The following DPF3 variants were observed in gnomAD, a reference collection of about 807,000 sequenced individuals.
The protein encoded by DPF3 is zinc finger protein DPF3.
A neutral mutation model predicts 56.8 loss-of-function variants in DPF3; 18 were observed. The observed-to-expected ratio is 0.32, with a 90% CI of 0.22 to 0.47. DPF3 has a LOEUF of 0.47. Among genes scored for constraint, DPF3 ranks in the 20% least tolerant of loss-of-function variants. The probability of loss-of-function intolerance (pLI) is 1.00; values close to 1 mark genes in which losing one functional copy is unlikely to be tolerated. For missense variants in DPF3, 403 were observed against 488.8 expected (o/e 0.82, Z 1.65); for synonymous variants, 188 against 180.2 (o/e 1.04, Z -0.35).
chr14:72,709,665 G>A (rs1024539419), intron 6 of DPF3, among the ~76,000 whole-genome samples: 1 of 152,122 alleles, frequency 6.6e-6, no homozygotes, highest in African/African-American at 2.4e-5. Flanking sequence ...GGGTATGGCG[G>A]TTCTAGAGTT....
chr14:72,828,531 A>G (rs1451314613), intron 1 of DPF3, among the ~76,000 whole-genome samples: 1 of 138,576 alleles, frequency 7.2e-6, no homozygotes, highest in Non-Finnish European at 1.6e-5. Context: ...AAGTGAGACC[A>G]TGTCTTAAAA....
At chr14:72,800,351 T>C (rs1435919781) in intron 1 of DPF3, among the ~76,000 whole-genome samples, 1 of 152,126 alleles carries the variant, frequency 6.6e-6, no homozygotes, top group Non-Finnish European at 1.5e-5. Flanking sequence ...AAGTTTACCA[T>C]CCCTTATTAG....
intron 8 of DPF3, among the ~76,000 whole-genome samples, chr14:72,634,137 C>G (rs979807716): frequency 6.6e-6 from 1 of 152,146 alleles, no homozygotes; most frequent in Non-Finnish European, 1.5e-5. Flanking sequence ...CTCCTCCACA[C>G]TCAGGACATC....
chr14:72,712,656 T>C (rs1011559836), intron 6 of DPF3, among the ~76,000 whole-genome samples: 1 of 152,160 alleles, frequency 6.6e-6, no homozygotes, highest in African/African-American at 2.4e-5. Flanking sequence ...GAGGATCACT[T>C]GAAACCAGGA....
intron 2 of DPF3, among the ~76,000 whole-genome samples, chr14:72,755,930 C>T (rs1361631553): frequency 1.3e-5 from 2 of 152,072 alleles, no homozygotes; most frequent in African/African-American, 2.4e-5. Context: ...AGAGCAGGGC[C>T]CCATGAGACT....
At chr14:72,660,334 A>C (rs1886171313) in intron 8 of DPF3, among the ~76,000 whole-genome samples, 1 of 152,204 alleles carries the variant, frequency 6.6e-6, no homozygotes, top group South Asian at 2.1e-4. Context: ...CGTGATATTC[A>C]GTCTAAAGAA....
intron 8 of DPF3, chr14:72,661,915 A>G: frequency 2.1e-6 from 2 of 956,434 alleles, no homozygotes; most frequent in Non-Finnish European, 2.4e-6. Flanking sequence ...GTTCGAATCT[A>G]TTGAACTTGA....
At chr14:72,694,243 C>T (rs1296161060) in intron 6 of DPF3, among the ~76,000 whole-genome samples, 1 of 152,236 alleles carries the variant, frequency 6.6e-6, no homozygotes, top group Non-Finnish European at 1.5e-5. Context: ...CCTCGAGAGT[C>T]TTCCCAGTGA....
At chr14:72,751,303 T>G (rs1890563505) in intron 3 of DPF3, among the ~76,000 whole-genome samples, 1 of 152,272 alleles carries the variant, frequency 6.6e-6, no homozygotes, top group African/African-American at 2.4e-5. Flanking sequence ...AAGGCTTTTT[T>G]GGTACTTATG....
At chr14:72,853,563 C>T (rs1377636362) in intron 1 of DPF3, among the ~76,000 whole-genome samples, 1 of 150,240 alleles carries the variant, frequency 6.7e-6, no homozygotes, top group Admixed American at 6.7e-5. Flanking sequence ...CAACCTCTGC[C>T]TCCCAGATTC....
rs535243493 is a variant in DPF3, at chr14:72,673,452, A to G, written c.871+788T>C. 6.7e-4 allele frequency among the ~76,000 whole-genome samples: 102 copies of G among 152,218 alleles called. 2 individuals are homozygous for G. Among genetic ancestry groups the G allele is most frequent in the Non-Finnish European group, 5.3e-4 (36 of 68,036 alleles). On this transcript the variant is annotated intron_variant, in intron 8 of 10. Coordinates refer to ENST00000556509, the MANE Select transcript of DPF3 (RefSeq NM_001280542.3). ...AGTGCTGACATAATACAATATGAAA[A>G]ATAGGTAGTACCAACCAACCATGGC...
chr14:72,658,563 A>G (rs948601590), intron 8 of DPF3, among the ~76,000 whole-genome samples: 18 of 152,228 alleles, frequency 1.2e-4, no homozygotes, highest in Non-Finnish European at 1.5e-5. Flanking sequence ...AACTCTACCC[A>G]GAGTTCTAAA....
chr14:72,638,753 A>G (rs1381069408), intron 8 of DPF3, among the ~76,000 whole-genome samples: 1 of 152,174 alleles, frequency 6.6e-6, no homozygotes, highest in Non-Finnish European at 1.5e-5. Context: ...CTGGGAAGCA[A>G]TCATAGAAGT....
At chr14:72,674,395 T>A in intron 7 of DPF3, 27 bp from the exon 8 acceptor site, 3 of 1,606,780 alleles carry the variant, frequency 1.9e-6, no homozygotes, top group Non-Finnish European at 2.6e-6. Flanking sequence ...AACATTCCAA[T>A]TTCAGGCTTA....
chr14:72,755,985 T>C (rs890969678), intron 2 of DPF3, among the ~76,000 whole-genome samples: 1 of 152,082 alleles, frequency 6.6e-6, no homozygotes, highest in Non-Finnish European at 1.5e-5. Context: ...TCAAAGCATG[T>C]GTGTGTGTGC....
chr14:72,697,842 G>A (rs1377849519), intron 6 of DPF3, among the ~76,000 whole-genome samples: 1 of 152,114 alleles, frequency 6.6e-6, no homozygotes, highest in Non-Finnish European at 1.5e-5. Flanking sequence ...AAGCAAGGAG[G>A]AACCCAGAAA....
At chr14:72,870,678 T>G (rs1212138888) in intron 1 of DPF3, among the ~76,000 whole-genome samples, 1 of 152,238 alleles carries the variant, frequency 6.6e-6, no homozygotes, top group African/African-American at 2.4e-5. Context: ...CTTCTCCTAC[T>G]TATCATTTCA....
At chr14:72,641,262 A>G (rs1885556440) in intron 8 of DPF3, among the ~76,000 whole-genome samples, 1 of 152,192 alleles carries the variant, frequency 6.6e-6, no homozygotes, top group African/African-American at 2.4e-5. Context: ...GCCTCACAAC[A>G]TGCTTCTTCT....
intron 3 of DPF3, among the ~76,000 whole-genome samples, chr14:72,734,552 G>A (rs958639022): frequency 1.3e-5 from 2 of 152,156 alleles, no homozygotes; most frequent in African/African-American, 4.8e-5. Context: ...TATACATAGA[G>A]TTGAAGTTCA....
Sources: allele counts gnomAD v4.1 joint callset (sites outside exome capture counted in the v4.1 genomes callset), GRCh38; gene constraint gnomAD v4.1.1; transcripts MANE v1.5; gene names NCBI Gene and HGNC (gene_info 2026-07-23, HGNC 2026-07-21).